MAD1L1: variants seen among roughly 807,000 people sequenced by gnomAD.
The protein encoded by MAD1L1 is mitotic arrest deficient 1 like 1, also known as mitotic spindle assembly checkpoint protein MAD1.
A neutral mutation model predicts 96.9 loss-of-function variants in MAD1L1; 95 were observed. The ratio of observed to expected loss-of-function variants is 0.98; its 90% CI spans 0.83 to 1.16. MAD1L1 has a LOEUF of 1.16. MAD1L1 is among the 50% of genes most tolerant of loss of function. MAD1L1 has a pLI of 0.00. For missense variants in MAD1L1, 1,007 were observed against 954.4 expected, an observed-to-expected ratio of 1.06 and a Z score of -0.73; for synonymous variants, 473 against 396.6, an observed-to-expected ratio of 1.19 and a Z score of -2.29.
At chr7:2,163,809 T>G (rs1023944488) in intron 10 of MAD1L1, among the ~76,000 whole-genome samples, 4 of 152,034 alleles carry the variant, frequency 2.6e-5, no homozygotes, top group Non-Finnish European at 5.9e-5. Flanking sequence ...AGCTGCCCCC[T>G]CCTCACCATG....
intron 13 of MAD1L1, among the ~76,000 whole-genome samples, chr7:2,005,176 G>A (rs1781978322): frequency 6.6e-6 from 1 of 152,136 alleles, no homozygotes; most frequent in Non-Finnish European, 1.5e-5. Context: ...CCCAGGAGGC[G>A]ACCAGGACAG....
chr7:2,104,790 T>C (rs1038046650), intron 11 of MAD1L1, among the ~76,000 whole-genome samples: 3 of 152,200 alleles, frequency 2.0e-5, no homozygotes, highest in Admixed American at 1.3e-4. Context: ...TTTAATTATC[T>C]GAGCACAGGT....
At chr7:1,972,324 T>C (rs1780440719) in intron 15 of MAD1L1, among the ~76,000 whole-genome samples, 1 of 152,242 alleles carries the variant, frequency 6.6e-6, no homozygotes, top group African/African-American at 2.4e-5. Context: ...GGGAAACCAT[T>C]TGGGCCTAGG....
At chr7:2,163,185 G>A (rs1790250726) in intron 10 of MAD1L1, among the ~76,000 whole-genome samples, 1 of 152,194 alleles carries the variant, frequency 6.6e-6, no homozygotes, top group Non-Finnish European at 1.5e-5. Flanking sequence ...GGGCGGCCAA[G>A]GCCTCCAGGG....
chr7:1,844,590 GCTCCCCGAGGCTGCCACGTGCCCAGCAC>G (rs1330817540), intron 18 of MAD1L1, among the ~76,000 whole-genome samples: 2 of 152,124 alleles, frequency 1.3e-5, no homozygotes, highest in African/African-American at 4.8e-5. Context: ...CCAGGAAGGT[GCTCCCCGAGGCTGCCACGTGCCCAGCAC>G]CTCCCCTTGG....
chr7:1,891,848 T>C (rs1308482170), intron 18 of MAD1L1, among the ~76,000 whole-genome samples: 1 of 152,186 alleles, frequency 6.6e-6, no homozygotes, highest in Non-Finnish European at 1.5e-5. Flanking sequence ...CCCCAAATGT[T>C]AGGATTATAG....
intron 12 of MAD1L1, among the ~76,000 whole-genome samples, chr7:2,028,387 T>G (rs530993009): frequency 1.7e-3 from 242 of 143,432 alleles, no homozygotes; most frequent in Admixed American, 2.9e-3. Flanking sequence ...ATCATGCCAT[T>G]GCACTCCAGC....
intron 18 of MAD1L1, among the ~76,000 whole-genome samples, chr7:1,888,758 CAT>C (rs1491111403): frequency 2.0e-5 from 3 of 149,290 alleles, no homozygotes; most frequent in Non-Finnish European, 3.0e-5. Flanking sequence ...TGTGAGCATG[CAT>C]GTGTGTGTGT....
chr7:1,887,621 A>C (rs921407635), intron 18 of MAD1L1, among the ~76,000 whole-genome samples: 1 of 111,068 alleles, frequency 9.0e-6, no homozygotes, highest in African/African-American at 3.6e-5. Flanking sequence ...CTGCCTGTGC[A>C]TGGGCATGTG....
intron 15 of MAD1L1, among the ~76,000 whole-genome samples, chr7:1,974,682 T>C (rs1455597726): frequency 6.6e-6 from 1 of 151,910 alleles, no homozygotes; most frequent in Non-Finnish European, 1.5e-5. Flanking sequence ...CAAGTAACAG[T>C]TTCAGAAAGA....
At chr7:1,874,664 G>C (rs1340754158) in intron 18 of MAD1L1, 1 of 392,300 alleles carries the variant, frequency 2.5e-6, no homozygotes, top group Non-Finnish European at 5.0e-6. Context: ...GGGAAAAGCA[G>C]CTCGCAGCAC....
At chr7:2,003,206 G>A (rs563883935) in intron 13 of MAD1L1, among the ~76,000 whole-genome samples, 2 of 152,312 alleles carry the variant, frequency 1.3e-5, no homozygotes, top group African/African-American at 4.8e-5. Context: ...AGCGGCAACT[G>A]GAAACCACCA....
intron 12 of MAD1L1, among the ~76,000 whole-genome samples, chr7:2,028,349 C>T (rs1052098946): frequency 1.3e-5 from 2 of 148,792 alleles, no homozygotes; most frequent in Admixed American, 1.4e-4. Context: ...GGCGCGAACC[C>T]AGGAGGCAGA....
intron 17 of MAD1L1, among the ~76,000 whole-genome samples, chr7:1,935,010 CA>C (rs1356050734): frequency 6.6e-6 from 1 of 150,908 alleles, no homozygotes; most frequent in Non-Finnish European, 1.5e-5. Context: ...ACCCAGACAA[CA>C]AGGGAACGAA....
intron 16 of MAD1L1, among the ~76,000 whole-genome samples, chr7:1,955,750 A>C (rs79937266): frequency 6.6e-6 from 1 of 151,974 alleles, no homozygotes; most frequent in African/African-American, 2.4e-5. Flanking sequence ...GATGTTGCCT[A>C]CTGGTTGTTG....
Position 1,957,670 on chromosome 7 carries a change from T to A in MAD1L1, c.1555A>T (p.Lys519Ter). 2 of 1,614,088 alleles carry A rather than the reference T, an allele frequency of 1.2e-6. No individual in the cohort carries two copies. The highest frequency in any genetic ancestry group is 1.7e-6 in the Non-Finnish European group (2 of 1,180,036). ...TCCAGCTGTGCCTCCAGCATCCTCT[T>A]TTCCTCCTCCAGCCGACTCCGCTCG... The part of the protein sequence containing the change: ...EGERSRLEEE[K>*]RMLEAQLERR... Residue 519 changes from lysine (K) to a stop codon, truncating the protein, a stop_gained, in exon 16 of 19, where the codon AAG becomes TAG. Coordinates refer to ENST00000265854, the MANE Select transcript of MAD1L1 (RefSeq NM_001013836.2). LOFTEE classifies it high-confidence loss of function.
chr7:2,030,791 C>G (rs939655320), intron 12 of MAD1L1, among the ~76,000 whole-genome samples: 1 of 152,230 alleles, frequency 6.6e-6, no homozygotes, highest in Non-Finnish European at 1.5e-5. Context: ...CCGTGGGAGG[C>G]GCCCTGCTGT....
chr7:1,887,223 G>C (rs1457022499), intron 18 of MAD1L1, among the ~76,000 whole-genome samples: 6 of 151,936 alleles, frequency 3.9e-5, no homozygotes, highest in Non-Finnish European at 8.8e-5. Flanking sequence ...GCATGTGTGT[G>C]TGAGCATGTG....
chr7:2,141,732 C>T (rs1029495177), intron 11 of MAD1L1, among the ~76,000 whole-genome samples: 17 of 152,226 alleles, frequency 1.1e-4, no homozygotes, highest in Admixed American at 9.8e-4. Flanking sequence ...CACAGAGGAG[C>T]GGGCGGCTGC....
Sources: allele counts gnomAD v4.1 joint callset (sites outside exome capture counted in the v4.1 genomes callset), GRCh38; gene constraint gnomAD v4.1.1; transcripts MANE v1.5; gene names NCBI Gene and HGNC (gene_info 2026-07-23, HGNC 2026-07-21).